Variants in SSBP3 observed in about 807,000 individuals in gnomAD.
SSBP3 encodes the protein single-stranded DNA-binding protein 3.
In SSBP3, 5 loss-of-function variants were observed where a neutral mutation model predicts 69.6. That is an observed-to-expected ratio of 0.07 (90% confidence interval 0.04 to 0.15). The LOEUF is 0.15. Ranked by LOEUF, SSBP3 falls within the 10% of genes least tolerant of loss-of-function variation. The pLI is 1.00. For synonymous variants in SSBP3, 196 were observed against 193.4 expected, an observed-to-expected ratio of 1.01 and a Z score of -0.11; for missense variants, 312 against 534.0, an observed-to-expected ratio of 0.58 and a Z score of 4.10.
chr1:54,227,034 C>A (rs566587497), exon 18 of SSBP3: 2 of 1,030,052 alleles, frequency 1.9e-6, no homozygotes, highest in East Asian at 2.4e-5. Context: ...ATGCCCTCCC[C>A]ACCAGCTCCT....
intron 3 of SSBP3, 121 bp downstream of exon 3, chr1:54,404,455 C>T: frequency 8.1e-7 from 1 of 1,235,770 alleles, no homozygotes; most frequent in South Asian, 1.3e-5. Context: ...AGGTGCCCCG[C>T]TCTGTGCAAC....
intron 4 of SSBP3, among the ~76,000 whole-genome samples, chr1:54,336,420 G>A (rs897739727): frequency 3.9e-5 from 6 of 151,956 alleles, no homozygotes; most frequent in Non-Finnish European, 8.8e-5. Context: ...GGGAGGGACT[G>A]CATTCAATTC....
At chr1:54,274,510 A>G (rs541903852) in intron 5 of SSBP3, among the ~76,000 whole-genome samples, 2 of 152,318 alleles carry the variant, frequency 1.3e-5, no homozygotes, top group South Asian at 4.1e-4. Context: ...AGCAGGCACC[A>G]GCCTTGGCTT....
chr1:54,347,682 G>A (rs990956022), intron 4 of SSBP3, among the ~76,000 whole-genome samples: 1 of 152,246 alleles, frequency 6.6e-6, no homozygotes, highest in Non-Finnish European at 1.5e-5. Context: ...CATATGAAAT[G>A]AGGGGAATAT....
At chr1:54,370,539 C>G (rs552189435) in intron 4 of SSBP3, among the ~76,000 whole-genome samples, 2 of 152,272 alleles carry the variant, frequency 1.3e-5, no homozygotes, top group African/African-American at 4.8e-5. Context: ...TGGATTTTTA[C>G]TCTTTGCTTC....
At chr1:54,282,072 A>AATAATAATAATAATAATAATG (rs1553130849) in intron 4 of SSBP3, among the ~76,000 whole-genome samples, 1 of 150,222 alleles carries the variant, frequency 6.7e-6, no homozygotes, top group Admixed American at 6.6e-5. Context: ...TAATAATAAT[A>AATAATAATAATAATAATAATG]AAAAAATGGG....
At chr1:54,374,886 G>A (rs1218046009) in intron 4 of SSBP3, among the ~76,000 whole-genome samples, 2 of 152,176 alleles carry the variant, frequency 1.3e-5, no homozygotes, top group East Asian at 1.9e-4. Context: ...TCATACAGCC[G>A]AAGCACAAGC....
chr1:54,353,853 C>T (rs576557667), intron 4 of SSBP3, among the ~76,000 whole-genome samples: 3 of 152,356 alleles, frequency 2.0e-5, no homozygotes, highest in African/African-American at 7.2e-5. Flanking sequence ...CTGCTGAGAT[C>T]TCTCTTTCCA....
chr1:54,408,712 A>G (rs544790693), upstream of SSBP3, among the ~76,000 whole-genome samples: 1 of 152,256 alleles, frequency 6.6e-6, no homozygotes, highest in African/African-American at 2.4e-5. Context: ...GATGTGCTAC[A>G]ATGTTAAAAT....
intron 4 of SSBP3, among the ~76,000 whole-genome samples, chr1:54,289,045 C>CAAAAAA (rs796091545): frequency 2.4e-5 from 1 of 41,108 alleles, no homozygotes; most frequent in African/African-American, 1.3e-4. Context: ...AACAAAAAAA[C>CAAAAAA]AAAAAAAAAA....
intron 4 of SSBP3, among the ~76,000 whole-genome samples, chr1:54,378,762 G>C (rs949690441): frequency 2.0e-5 from 3 of 152,186 alleles, no homozygotes; most frequent in Non-Finnish European, 4.4e-5. Flanking sequence ...GGGCACAAAG[G>C]AAGGAACCGC....
intron 3 of SSBP3, among the ~76,000 whole-genome samples, chr1:54,403,158 C>T (rs915455569): frequency 6.6e-6 from 1 of 152,192 alleles, no homozygotes; most frequent in African/African-American, 2.4e-5. Flanking sequence ...AAAGCCACCA[C>T]CGCCCGGGCC....
At chr1:54,369,110 AAAGT>A (rs1472510231) in intron 4 of SSBP3, among the ~76,000 whole-genome samples, 5 of 152,172 alleles carry the variant, frequency 3.3e-5, no homozygotes, top group East Asian at 1.9e-4. Context: ...AAAACGAAAA[AAAGT>A]AAGTCAGAAA....
At chr1:54,362,520 C>T (rs1457333009) in intron 4 of SSBP3, among the ~76,000 whole-genome samples, 2 of 152,230 alleles carry the variant, frequency 1.3e-5, no homozygotes, top group Non-Finnish European at 2.9e-5. Flanking sequence ...AGATAGTCTA[C>T]TTGGTGAGTA....
chr1:54,236,673 T>C (rs1644501082), intron 14 of SSBP3: 1 of 152,250 alleles, frequency 6.6e-6, no homozygotes, highest in Non-Finnish European at 1.5e-5. Flanking sequence ...AATAGCAGTT[T>C]TCATGGCAAG....
chr1:54,232,147 C>A (rs1016789522), intron 14 of SSBP3, among the ~76,000 whole-genome samples: 1 of 152,170 alleles, frequency 6.6e-6, no homozygotes, highest in Non-Finnish European at 1.5e-5. Flanking sequence ...ACAATAGGAA[C>A]TGTTAACAGC....
At chr1:54,305,961 C>T (rs1645893473) in intron 4 of SSBP3, among the ~76,000 whole-genome samples, 1 of 151,246 alleles carries the variant, frequency 6.6e-6, no homozygotes, top group Non-Finnish European at 1.5e-5. Flanking sequence ...TTCCCCAGTC[C>T]TCATTTGTAA....
chr1:54,372,896 C>T (rs1647157720), intron 4 of SSBP3, among the ~76,000 whole-genome samples: 1 of 152,274 alleles, frequency 6.6e-6, no homozygotes, highest in African/African-American at 2.4e-5. Flanking sequence ...CTGACTCCAG[C>T]AGACCCTATG....
chr1:54,318,048 G>A (rs541605563), intron 4 of SSBP3, among the ~76,000 whole-genome samples: 4 of 152,338 alleles, frequency 2.6e-5, no homozygotes, highest in South Asian at 4.1e-4. Flanking sequence ...GATTAAAGGC[G>A]TGAGCCACTG....
Sources: gnomAD v4.1 joint callset for allele counts (sites outside exome capture counted in the v4.1 genomes callset) on GRCh38, gnomAD v4.1.1 for gene constraint, MANE v1.5 for transcripts, NCBI Gene and HGNC (gene_info 2026-07-23, HGNC 2026-07-21) for gene names.